The following ANKRD31 variants were observed in gnomAD, a reference collection of about 807,000 sequenced individuals.
The protein encoded by ANKRD31 is ankyrin repeat domain-containing protein 31.
In ANKRD31, 147 loss-of-function variants were observed where a neutral mutation model predicts 186.0. That is an observed-to-expected ratio of 0.79 (90% confidence interval 0.69 to 0.91). The LOEUF is 0.91. ANKRD31 is among the 40% of genes least tolerant of loss of function. ANKRD31 has a pLI of 0.00. For synonymous variants in ANKRD31, 673 were observed against 736.4 expected, an observed-to-expected ratio of 0.91 and a Z score of 1.39; for missense variants, 1,986 against 2,148.8, an observed-to-expected ratio of 0.92 and a Z score of 1.50.
chr5:75,221,959 G>A lies in ANKRD31; in HGVS notation c.288+290C>T, dbSNP rs190560429. 1.5e-3 allele frequency among the ~76,000 whole-genome samples: 232 copies of A among 152,256 alleles called. 1 individual carries two copies. Among genetic ancestry groups the A allele is most frequent in the African/African-American group, 5.4e-3 (223 of 41,534 alleles). ...TAGGCTATAAGTAGTTAAGTTTTGG[G>A]AGAGTCAAAAGTTGCATGTGGATTT... On this transcript the variant is annotated intron_variant, in intron 3 of 25. Transcript: ENST00000506364.
intron 4 of ANKRD31, among the ~76,000 whole-genome samples, chr5:75,207,042 G>A (rs1287164135): frequency 1.2e-4 from 18 of 152,270 alleles, no homozygotes; most frequent in Non-Finnish European, 1.5e-5. Flanking sequence ...ATAATTAAAA[G>A]CTGATTAAAG....
Position 75,137,974 on chromosome 5 carries a change from G to C in ANKRD31, c.3758C>G (p.Ser1253Cys). The C allele has an allele frequency of 6.6e-7, 1 of 1,514,490 alleles. No individual in the cohort carries two copies. Among genetic ancestry groups the C allele is most frequent in the African/African-American group, 1.4e-5 (1 of 70,982 alleles). The allele number at this position is 1,514,490 out of a possible 1,614,324, so 93.8% of individuals were successfully genotyped here. ...AATTATATCAATAGATCCTTCATTA[G>C]ATGCCTCATGAAGTGGTGTCCAACC... ...NAGWTPLHEA[S>C]NEGSIDIIVE... The change falls in exon 17 of 26, where the codon TCT (serine) becomes TGT (cysteine). Residue 1253 changes from serine (S) to cysteine (C), a missense_variant. By Grantham distance (112) the Ser-to-Cys change is moderately radical. Coordinates refer to ENST00000506364, the MANE Select transcript of ANKRD31 (RefSeq NM_001372053.1).
chr5:75,191,502 G>A (rs965489746), intron 9 of ANKRD31, among the ~76,000 whole-genome samples: 8 of 151,694 alleles, frequency 5.3e-5, no homozygotes, highest in African/African-American at 1.9e-4. Context: ...TACTTTTCTA[G>A]GTGATATTTA....
At chr5:75,085,700 CT>C (rs1193308010) in intron 23 of ANKRD31, among the ~76,000 whole-genome samples, 1 of 152,182 alleles carries the variant, frequency 6.6e-6, no homozygotes, top group African/African-American at 2.4e-5. Context: ...CCGTGCCTGG[CT>C]GTGAAGTCCC....
intron 1 of ANKRD31, among the ~76,000 whole-genome samples, chr5:75,231,906 AACACAC>A (rs56755264): frequency 0.079 from 11,493 of 144,630 alleles, 1,094 homozygotes; most frequent in African/African-American, 0.23. Flanking sequence ...ACTGTCTCAA[AACACAC>A]ACACACACAC....
chr5:75,147,861 C>G (rs1260921733), intron 13 of ANKRD31, among the ~76,000 whole-genome samples: 1 of 151,792 alleles, frequency 6.6e-6, no homozygotes, highest in Non-Finnish European at 1.5e-5. Flanking sequence ...GTTTCCTTTA[C>G]AAGGAAACTC....
In ANKRD31 at chr5:75,195,642, G is replaced by C; in HGVS notation, c.1006C>G (p.Gln336Glu). 6.6e-7 allele frequency: 1 copy of C among 1,523,614 alleles called. No individual in the cohort carries two copies. Among genetic ancestry groups the C allele is most frequent in the East Asian group, 2.5e-5 (1 of 40,798 alleles). 94.4% of individuals were successfully genotyped at this position (1,523,614 alleles called of 1,614,324 possible). A position where few individuals can be genotyped will look rare whatever the true frequency, so the allele number is the denominator to read the frequency against. ...NTSQTNEDCTQIAETLQDPNP... is the reference protein window; with the variant it reads ...NTSQTNEDCTEIAETLQDPNP... ...AATTCAAAATTCACCTCTGCTATTT[G>C]TGTACAATCTTCATTGGTCTGAGAC... is the stretch of plus-strand genomic sequence containing the variant. The change falls in exon 7 of 26, where the codon CAA (glutamine) becomes GAA (glutamate). Residue 336 changes from glutamine to glutamate, a missense_variant. By Grantham distance (29) the Gln-to-Glu change is conservative (BLOSUM62 2). Transcript: ENST00000506364.
At chr5:75,079,501 C>G (rs1158255451) in intron 25 of ANKRD31, among the ~76,000 whole-genome samples, 1 of 149,654 alleles carries the variant, frequency 6.7e-6, no homozygotes, top group Admixed American at 6.7e-5. Context: ...TTGCTCTTTG[C>G]TCTTGTTGAC....
chr5:75,155,950 A>C (rs1277114259), intron 11 of ANKRD31, among the ~76,000 whole-genome samples: 1 of 151,196 alleles, frequency 6.6e-6, no homozygotes, highest in Non-Finnish European at 1.5e-5. Context: ...CTTGTTGCCC[A>C]GGCTGGAGTG....
At chr5:75,207,801 A>C (rs1389335113) in intron 4 of ANKRD31, among the ~76,000 whole-genome samples, 4 of 152,166 alleles carry the variant, frequency 2.6e-5, no homozygotes, top group Non-Finnish European at 4.4e-5. Flanking sequence ...AGTCTTCCTT[A>C]GTCTTTTCTT....
Position 75,104,335 on chromosome 5 carries a change from C to T in ANKRD31, c.5224G>A (p.Ala1742Thr). ...GSGQQDTIKKALNYSTAPKKK... is the reference protein window; with the variant it reads ...GSGQQDTIKKTLNYSTAPKKK... ...TTAGGAGCTGTACTGTAGTTTAAAG[C>T]CTTTTTTATTGTATCTTGTTGCCCA... The change falls in exon 22 of 26, where the codon GCT (alanine) becomes ACT (threonine). Residue 1742 changes from alanine (A) to threonine (T), a missense_variant. By Grantham distance (58) the Ala-to-Thr change is moderately conservative (BLOSUM62 0). Coordinates refer to ENST00000506364, the MANE Select transcript of ANKRD31 (RefSeq NM_001372053.1). The T allele has an allele frequency of 4.6e-6, 7 of 1,537,110 alleles. No homozygotes were observed. Among genetic ancestry groups the T allele is most frequent in the Non-Finnish European group, 6.1e-6 (7 of 1,146,874 alleles).
chr5:75,212,691 G>A (rs769368579), intron 3 of ANKRD31, among the ~76,000 whole-genome samples: 3 of 152,040 alleles, frequency 2.0e-5, no homozygotes, highest in Non-Finnish European at 2.9e-5. Context: ...TGTCCCTTTC[G>A]AAAAAGATAA....
In ANKRD31 at chr5:75,084,305, A is replaced by G. The variant is rs560753168; in HGVS notation, c.5542T>C (p.Ser1848Pro). The G allele has an allele frequency of 8.5e-6, 13 of 1,537,118 alleles. 1 individual carries two copies. The South Asian group carries it at 1.5e-4, about 18-fold the overall frequency. The part of the protein sequence containing the change: ...EDAPILPEPN[S>P]VPQQYQPCLP... ...CAAGGTTGATATTGCTGAGGTACTGAGTTTGGTTCTGGAAGTATGGGTGCA... is the reference window on the plus strand; with the variant it reads ...CAAGGTTGATATTGCTGAGGTACTGGGTTTGGTTCTGGAAGTATGGGTGCA... The change falls in exon 24 of 26, where the codon TCA becomes CCA. Residue 1848 changes from serine (S) to proline (P), a missense_variant. Ser to Pro is a moderately conservative substitution (Grantham distance 74). Transcript: ENST00000506364.
intron 10 of ANKRD31, among the ~76,000 whole-genome samples, chr5:75,177,757 T>A: frequency 6.6e-6 from 1 of 152,062 alleles, no homozygotes; most frequent in African/African-American, 2.4e-5. Flanking sequence ...AAGGAACAAC[T>A]GGTACCAGCC....
chr5:75,172,895 A>G (rs1248434849), intron 10 of ANKRD31, among the ~76,000 whole-genome samples: 1 of 152,164 alleles, frequency 6.6e-6, no homozygotes, highest in Non-Finnish European at 1.5e-5. Flanking sequence ...TATGAGGCCA[A>G]CATCATCCTG....
At chr5:75,173,234 A>G (rs1214640087) in intron 10 of ANKRD31, among the ~76,000 whole-genome samples, 1 of 152,172 alleles carries the variant, frequency 6.6e-6, no homozygotes, top group Non-Finnish European at 1.5e-5. Flanking sequence ...GATGGGACGT[A>G]TCTCAAAATA....
intron 19 of ANKRD31, among the ~76,000 whole-genome samples, chr5:75,115,566 AAAAC>A (rs1333201427): frequency 2.0e-5 from 3 of 151,640 alleles, no homozygotes; most frequent in African/African-American, 7.3e-5. Flanking sequence ...TTACAAGAAA[AAAAC>A]AAACAACCCC....
chr5:75,121,527 A>G (rs1457691200), intron 17 of ANKRD31, among the ~76,000 whole-genome samples: 1 of 152,182 alleles, frequency 6.6e-6, no homozygotes, highest in African/African-American at 2.4e-5. Flanking sequence ...CAGCACATGA[A>G]ACATTCTCCC....
chr5:75,084,575 T>C (rs1745338040), intron 23 of ANKRD31, among the ~76,000 whole-genome samples: 1 of 152,180 alleles, frequency 6.6e-6, no homozygotes, highest in South Asian at 2.1e-4. Flanking sequence ...TGCTCATTCA[T>C]TTACTTAACA....
Sources: gnomAD v4.1 joint callset for allele counts (sites outside exome capture counted in the v4.1 genomes callset) on GRCh38, gnomAD v4.1.1 for gene constraint, MANE v1.5 for transcripts, NCBI Gene and HGNC (gene_info 2026-07-23, HGNC 2026-07-21) for gene names.